Variants in LRRC37A2 observed in about 807,000 individuals in gnomAD.
LRRC37A2 encodes leucine-rich repeat-containing protein 37A2.
A neutral mutation model predicts 68.8 loss-of-function variants in LRRC37A2; 9 were observed. The observed-to-expected ratio is 0.13, with a 90% CI of 0.08 to 0.23. LRRC37A2 has a LOEUF of 0.23. Among genes scored for constraint, LRRC37A2 ranks in the 10% least tolerant of loss-of-function variants. The pLI, the probability that LRRC37A2 is intolerant of heterozygous loss-of-function variation, is 1.00. For missense variants in LRRC37A2, 168 were observed against 950.4 expected (o/e 0.18, Z 10.82); for synonymous variants, 63 against 367.6 (o/e 0.17, Z 9.48).
At chr17:46,741,700 A>G in the LRRC37A2 span, among the ~76,000 whole-genome samples, 1 of 152,218 alleles carries the variant, frequency 6.6e-6, no homozygotes, top group Non-Finnish European at 1.5e-5. Flanking sequence ...TTTTAATGGT[A>G]GTCGATCTTT....
the LRRC37A2 span, among the ~76,000 whole-genome samples, chr17:46,811,322 A>G: frequency 1.3e-5 from 2 of 152,128 alleles, no homozygotes; most frequent in Non-Finnish European, 2.9e-5. Flanking sequence ...GCAGGTATGG[A>G]AACAGAATGG....
the LRRC37A2 span, among the ~76,000 whole-genome samples, chr17:46,487,912 CTG>C: frequency 4.8e-5 from 5 of 104,184 alleles, no homozygotes; most frequent in African/African-American, 1.0e-4. Flanking sequence ...TGTTATTAGT[CTG>C]TATTTTCATG....
At chr17:46,787,266 T>C in the LRRC37A2 span, among the ~76,000 whole-genome samples, 1 of 136,308 alleles carries the variant, frequency 7.3e-6, no homozygotes, top group African/African-American at 2.9e-5. Context: ...AAGAAAAGTC[T>C]CCACCTGTGA....
chr17:46,722,968 T>C, the LRRC37A2 span, among the ~76,000 whole-genome samples: 3 of 152,210 alleles, frequency 2.0e-5, no homozygotes, highest in Non-Finnish European at 4.4e-5. Context: ...AGAACGTCAC[T>C]ACTTGATATT....
chr17:46,569,556 G>GA, the LRRC37A2 span, among the ~76,000 whole-genome samples: 1 of 129,066 alleles, frequency 7.7e-6, no homozygotes, highest in African/African-American at 3.3e-5. Context: ...ACTACTTTGA[G>GA]AAAAAACATT....
At chr17:46,528,484 C>A (rs1332265789) in intron 6 of LRRC37A2, among the ~76,000 whole-genome samples, 1 of 46,684 alleles carries the variant, frequency 2.1e-5, no homozygotes, top group Non-Finnish European at 4.0e-5. Context: ...CTTTGGGAGG[C>A]CAAGGTGGGT....
At chr17:46,755,771 GT>G in the LRRC37A2 span, 8 of 1,459,972 alleles carry the variant, frequency 5.5e-6, no homozygotes, top group African/African-American at 1.1e-4. Context: ...ACCCTCATCT[GT>G]TTTTTTGTGT....
the LRRC37A2 span, among the ~76,000 whole-genome samples, chr17:46,901,432 G>T: frequency 6.6e-6 from 1 of 152,304 alleles, no homozygotes; most frequent in East Asian, 1.9e-4. Context: ...AAAGTGCTGG[G>T]ATTACGGCAT....
At chr17:47,020,773 C>G in the LRRC37A2 span, among the ~76,000 whole-genome samples, 1 of 10,320 alleles carries the variant, frequency 9.7e-5, no homozygotes, top group Non-Finnish European at 2.3e-4. Context: ...CAGAGCAAGA[C>G]TCCATCTCAA....
At chr17:47,010,386 G>A in the LRRC37A2 span, 1 of 152,314 alleles carries the variant, frequency 6.6e-6, no homozygotes, top group South Asian at 2.1e-4. Flanking sequence ...ATGAGAGAAG[G>A]AGTTCCCCCA....
chr17:46,724,038 A>G, the LRRC37A2 span, among the ~76,000 whole-genome samples: 2 of 152,110 alleles, frequency 1.3e-5, no homozygotes, highest in African/African-American at 2.4e-5. Flanking sequence ...ATTGACACCA[A>G]CACCACTTTA....
the LRRC37A2 span, among the ~76,000 whole-genome samples, chr17:46,605,995 C>CAAAAAAAAAAAAA: frequency 2.0e-5 from 1 of 51,054 alleles, no homozygotes; most frequent in African/African-American, 1.0e-4. Context: ...ACTAAAAATA[C>CAAAAAAAAAAAAA]AAAAAAAAAA....
the LRRC37A2 span, among the ~76,000 whole-genome samples, chr17:46,945,901 G>T: frequency 6.6e-6 from 1 of 152,190 alleles, no homozygotes; most frequent in African/African-American, 2.4e-5. Flanking sequence ...CCAAATTATT[G>T]TTGCTATGTG....
the LRRC37A2 span, among the ~76,000 whole-genome samples, chr17:46,633,170 AC>A: frequency 3.0e-5 from 3 of 100,376 alleles, 1 homozygote; most frequent in Non-Finnish European, 6.6e-5. Flanking sequence ...ATGGGGTTTC[AC>A]CATGTTGACC....
the LRRC37A2 span, chr17:46,930,593 A>G: frequency 6.5e-5 from 10 of 154,938 alleles, no homozygotes; most frequent in African/African-American, 2.4e-4. Context: ...AAGGGAAGAA[A>G]GCCTTAAGGG....
the LRRC37A2 span, among the ~76,000 whole-genome samples, chr17:46,709,732 T>G: frequency 6.6e-6 from 1 of 152,108 alleles, no homozygotes. Flanking sequence ...ATACCTCAGG[T>G]GATCCACCCG....
the LRRC37A2 span, among the ~76,000 whole-genome samples, chr17:46,795,048 G>A: frequency 6.6e-6 from 1 of 151,948 alleles, no homozygotes; most frequent in East Asian, 1.9e-4. Flanking sequence ...ACCATGCCAG[G>A]CCCTTCCCAG....
the LRRC37A2 span, among the ~76,000 whole-genome samples, chr17:46,569,349 T>TTATA: frequency 1.1e-4 from 16 of 147,252 alleles, no homozygotes; most frequent in East Asian, 2.0e-4. Context: ...CATGAAGATT[T>TTATA]TATATATATA....
At chr17:46,461,997 C>CA in the LRRC37A2 span, among the ~76,000 whole-genome samples, 10 of 57,378 alleles carry the variant, frequency 1.7e-4, no homozygotes, top group East Asian at 1.2e-3. Flanking sequence ...AACTCCATGT[C>CA]AAAAAAAAAA....
Sources: gnomAD v4.1 joint callset for allele counts (sites outside exome capture counted in the v4.1 genomes callset) on GRCh38, gnomAD v4.1.1 for gene constraint, MANE v1.5 for transcripts, NCBI Gene and HGNC (gene_info 2026-07-23, HGNC 2026-07-21) for gene names.